The following PDE4D variants were observed in gnomAD, a reference collection of about 807,000 sequenced individuals.
PDE4D encodes phosphodiesterase 4D.
A neutral mutation model predicts 87.4 loss-of-function variants in PDE4D; 24 were observed. The observed-to-expected ratio is 0.27, with a 90% CI of 0.20 to 0.39. The LOEUF (loss-of-function observed/expected upper bound fraction) is 0.39. PDE4D is among the 10% of genes least tolerant of loss of function. The probability of loss-of-function intolerance (pLI) is 1.00; values close to 1 mark genes in which losing one functional copy is unlikely to be tolerated. For synonymous variants in PDE4D, 384 were observed against 383.2 expected (o/e 1.00, Z -0.02); for missense variants, 714 against 1,041.0 (o/e 0.69, Z 4.32).
chr5:60,272,970 A>G (rs1750967759), intron 1 of PDE4D, among the ~76,000 whole-genome samples: 1 of 152,180 alleles, frequency 6.6e-6, no homozygotes, highest in Admixed American at 6.5e-5. Flanking sequence ...CCTCTCTCAC[A>G]CTTATTTACC....
intron 1 of PDE4D, among the ~76,000 whole-genome samples, chr5:59,387,352 A>T (rs187451401): frequency 6.6e-6 from 1 of 152,214 alleles, no homozygotes; most frequent in African/African-American, 2.4e-5. Context: ...ATTCCACAAA[A>T]CCTACTTTGG....
At chr5:59,904,622 C>T (rs1752630042) in intron 3 of PDE4D, among the ~76,000 whole-genome samples, 1 of 152,110 alleles carries the variant, frequency 6.6e-6, no homozygotes, top group African/African-American at 2.4e-5. Context: ...CCACAATTCT[C>T]CCTTAAGATC....
chr5:59,030,288 A>G (rs913368054), intron 6 of PDE4D, among the ~76,000 whole-genome samples: 3 of 152,072 alleles, frequency 2.0e-5, no homozygotes, highest in Non-Finnish European at 4.4e-5. Flanking sequence ...TACATCTGAT[A>G]AGAGGCTAAT....
chr5:59,257,252 A>G (rs1363071448), intron 1 of PDE4D, among the ~76,000 whole-genome samples: 3 of 152,072 alleles, frequency 2.0e-5, no homozygotes, highest in Non-Finnish European at 4.4e-5. Flanking sequence ...CAGTTCATAC[A>G]GGCCAAACTG....
intron 2 of PDE4D, among the ~76,000 whole-genome samples, chr5:60,155,804 A>C (rs1035582448): frequency 2.7e-5 from 3 of 112,244 alleles, no homozygotes; most frequent in African/African-American, 9.6e-5. Context: ...TCTAAAAAAC[A>C]GTCCAAGAAT....
rs563793280 is a variant in PDE4D, at chr5:59,064,724, A to T, written c.809-25753T>A. On this transcript the variant is annotated intron_variant, in intron 5 of 14. Coordinates refer to ENST00000340635, the MANE Select transcript of PDE4D (RefSeq NM_001104631.2). Reference sequence around the variant, plus strand: ...CAACTTTTAAAAATGTATTTAGAGTATCAGTAACCCTTGAATTAATGCATC... The same window carrying T: ...CAACTTTTAAAAATGTATTTAGAGTTTCAGTAACCCTTGAATTAATGCATC... Among the ~76,000 whole-genome samples, 3 of 152,158 alleles carry T rather than the reference A, an allele frequency of 2.0e-5. No homozygotes were observed. In the East Asian group the frequency reaches 5.8e-4, roughly 29 times the overall value.
At chr5:59,678,879 T>C (rs997263902) in intron 1 of PDE4D, among the ~76,000 whole-genome samples, 15 of 152,314 alleles carry the variant, frequency 9.8e-5, no homozygotes, top group African/African-American at 3.6e-4. Context: ...ACAAGAGGCA[T>C]TGTTATATGC....
At chr5:59,402,905 T>C (rs1213999254) in intron 1 of PDE4D, among the ~76,000 whole-genome samples, 1 of 152,156 alleles carries the variant, frequency 6.6e-6, no homozygotes, top group Non-Finnish European at 1.5e-5. Flanking sequence ...ATAACAATTA[T>C]TGGCTAAATA....
chr5:60,112,777 A>T (rs1777804941), intron 2 of PDE4D, among the ~76,000 whole-genome samples: 1 of 152,074 alleles, frequency 6.6e-6, no homozygotes, highest in Non-Finnish European at 1.5e-5. Flanking sequence ...GCTATATCCT[A>T]CACTATACAA....
chr5:59,726,514 C>A (rs1756613534), intron 1 of PDE4D, among the ~76,000 whole-genome samples: 1 of 152,068 alleles, frequency 6.6e-6, no homozygotes, highest in South Asian at 2.1e-4. Context: ...AAGGCACTGA[C>A]TGCAAGCCAG....
At chr5:59,745,004 T>C (rs1422829621) in intron 1 of PDE4D, among the ~76,000 whole-genome samples, 1 of 152,194 alleles carries the variant, frequency 6.6e-6, no homozygotes, top group Non-Finnish European at 1.5e-5. Flanking sequence ...AACAATTTTA[T>C]GTGAAGGGTA....
intron 2 of PDE4D, among the ~76,000 whole-genome samples, chr5:60,051,761 T>TA (rs1364529670): frequency 6.6e-6 from 1 of 150,522 alleles, no homozygotes; most frequent in African/African-American, 2.4e-5. Context: ...TGTTTTTTTT[T>TA]AAAAAAGATT....
chr5:59,494,977 C>T (rs533197538), intron 1 of PDE4D, among the ~76,000 whole-genome samples: 3 of 152,284 alleles, frequency 2.0e-5, no homozygotes, highest in African/African-American at 7.2e-5. Flanking sequence ...CTTCAAGTTA[C>T]CCCCTACAAT....
chr5:59,217,883 A>G (rs1751602564), intron 1 of PDE4D: 2 of 338,420 alleles, frequency 5.9e-6, no homozygotes, highest in Non-Finnish European at 1.2e-5. Context: ...CAATAGACAT[A>G]CATTAGGGAT....
chr5:60,467,928 C>T (rs930722663), intron 1 of PDE4D, among the ~76,000 whole-genome samples: 1 of 152,142 alleles, frequency 6.6e-6, no homozygotes, highest in African/African-American at 2.4e-5. Flanking sequence ...AATCACCTCC[C>T]ACCAGGCTCC....
chr5:59,951,079 G>GT (rs1483477115), intron 3 of PDE4D, among the ~76,000 whole-genome samples: 1 of 151,982 alleles, frequency 6.6e-6, no homozygotes, highest in Non-Finnish European at 1.5e-5. Flanking sequence ...ACAAACCTGC[G>GT]TAAGAAAGAT....
chr5:60,269,107 C>G (rs1206740729), intron 1 of PDE4D, among the ~76,000 whole-genome samples: 1 of 152,066 alleles, frequency 6.6e-6, no homozygotes, highest in Non-Finnish European at 1.5e-5. Flanking sequence ...AGTTCAAGAC[C>G]AGCCTGGCCA....
At chr5:59,400,639 C>T (rs1387436947) in intron 1 of PDE4D, among the ~76,000 whole-genome samples, 9 of 150,146 alleles carry the variant, frequency 6.0e-5, no homozygotes, top group African/African-American at 1.2e-4. Context: ...TGCTAGATGA[C>T]GAGTTAGTGG....
intron 5 of PDE4D, among the ~76,000 whole-genome samples, chr5:59,088,263 T>A (rs916906075): frequency 6.6e-6 from 1 of 152,170 alleles, no homozygotes; most frequent in Non-Finnish European, 1.5e-5. Flanking sequence ...TCTCTTTCTC[T>A]TTCTCTCCTT....
Sources: allele counts gnomAD v4.1 joint callset (sites outside exome capture counted in the v4.1 genomes callset), GRCh38; gene constraint gnomAD v4.1.1; transcripts MANE v1.5; gene names NCBI Gene and HGNC (gene_info 2026-07-23, HGNC 2026-07-21).